CTNND2: variants seen among roughly 807,000 people sequenced by gnomAD.
CTNND2 encodes the protein catenin delta-2.
Under a neutral mutation model 144.4 loss-of-function variants are expected in CTNND2, and 22 were observed. The ratio of observed to expected loss-of-function variants is 0.15; its 90% confidence interval spans 0.11 to 0.22. The LOEUF (loss-of-function observed/expected upper bound fraction) is 0.22. Among genes scored for constraint, CTNND2 ranks in the 10% least tolerant of loss-of-function variants. The pLI, the probability that CTNND2 is intolerant of heterozygous loss-of-function variation, is 1.00. For synonymous variants in CTNND2, 751 were observed against 695.6 expected, an observed-to-expected ratio of 1.08 and a Z score of -1.25; for missense variants, 1,353 against 1,618.8, an observed-to-expected ratio of 0.84 and a Z score of 2.82.
intron 1 of CTNND2, among the ~76,000 whole-genome samples, chr5:11,870,323 A>T (rs1231353909): frequency 6.6e-6 from 1 of 152,200 alleles, no homozygotes. Flanking sequence ...TGCAAAGGAC[A>T]GCCCACAACA....
At chr5:11,510,956 A>T (rs1771583687) in intron 3 of CTNND2, among the ~76,000 whole-genome samples, 1 of 152,076 alleles carries the variant, frequency 6.6e-6, no homozygotes, top group African/African-American at 2.4e-5. Context: ...GCATTTGAAT[A>T]GAAATTATTT....
chr5:11,347,389 T>C (rs1032423634), intron 8 of CTNND2, among the ~76,000 whole-genome samples: 1 of 152,228 alleles, frequency 6.6e-6, no homozygotes, highest in Non-Finnish European at 1.5e-5. Context: ...CTAAATTGTT[T>C]TGAGAAGATT....
intron 15 of CTNND2, among the ~76,000 whole-genome samples, chr5:11,090,019 A>AATAG (rs966934904): frequency 1.3e-5 from 2 of 152,276 alleles, no homozygotes; most frequent in South Asian, 2.1e-4. Context: ...AAAAAAAATA[A>AATAG]ATAGATAGAT....
chr5:11,864,177 G>A (rs1399826753), intron 1 of CTNND2, among the ~76,000 whole-genome samples: 1 of 151,994 alleles, frequency 6.6e-6, no homozygotes, highest in African/African-American at 2.4e-5. Context: ...GAGGTCACTC[G>A]AGGGACGCCA....
At chr5:11,696,379 T>A (rs1044517245) in intron 2 of CTNND2, among the ~76,000 whole-genome samples, 1 of 152,234 alleles carries the variant, frequency 6.6e-6, no homozygotes, top group Non-Finnish European at 1.5e-5. Context: ...CAGCTTGGAA[T>A]CAGCCTTGGG....
intron 3 of CTNND2, among the ~76,000 whole-genome samples, chr5:11,539,272 T>A (rs2150066927): frequency 6.6e-6 from 1 of 152,198 alleles, no homozygotes; most frequent in African/African-American, 2.4e-5. Flanking sequence ...ACATCTGAAT[T>A]CCGGGTGACT....
At chr5:11,486,210 AATCCAGTAGATCATACTAGGTGATAAT>A (rs1472597286) in intron 3 of CTNND2, among the ~76,000 whole-genome samples, 1 of 152,152 alleles carries the variant, frequency 6.6e-6, no homozygotes, top group African/African-American at 2.4e-5. Context: ...TGGGTGATAA[AATCCAGTAGATCATACTAGGTGATAAT>A]ATCCAGTAGA....
chr5:11,250,520 T>TATATATATATATATATA (rs1491283471), intron 9 of CTNND2, among the ~76,000 whole-genome samples: 1 of 5,542 alleles, frequency 1.8e-4, no homozygotes, highest in African/African-American at 4.1e-4. Context: ...TATACATATA[T>TATATATATATATATATA]TTTTTTTTTT....
chr5:11,608,995 A>T (rs1780192109), intron 2 of CTNND2, among the ~76,000 whole-genome samples: 1 of 152,154 alleles, frequency 6.6e-6, no homozygotes, highest in Non-Finnish European at 1.5e-5. Context: ...AGATCCATGA[A>T]GCAATTCCTG....
chr5:11,122,861 C>T (rs1410472138), intron 12 of CTNND2, among the ~76,000 whole-genome samples: 8 of 152,100 alleles, frequency 5.3e-5, no homozygotes, highest in Non-Finnish European at 1.2e-4. Flanking sequence ...CCCAGCAAGG[C>T]AGGCCGGGGA....
chr5:11,233,007 T>C (rs1741211425), intron 10 of CTNND2, among the ~76,000 whole-genome samples: 1 of 152,158 alleles, frequency 6.6e-6, no homozygotes, highest in Admixed American at 6.5e-5. Flanking sequence ...ATCTCTCTTT[T>C]GTAGAAGGTA....
At position 10,988,178 on chromosome 5, in the gene CTNND2, G is replaced by A; in HGVS notation, c.3276C>T (p.Cys1092=). ...SLKERKTDYE[C]TGSNATYHGA... ...CGTGGTAGGTGGCGTTGCTGCCGGT[G>A]CACTCGTAGTCTGTTTTCCTTTCTT... Residue 1092 remains cysteine, a synonymous_variant, in exon 20 of 22, where the codon TGC becomes TGT. Transcript: ENST00000304623. This position sits in a 1 kb window ranked among gnomAD's most constrained non-coding sequence, Gnocchi z 5.9. 6.2e-7 allele frequency: 1 copy of A among 1,614,202 alleles called. No individual in the cohort carries two copies. The highest frequency in any genetic ancestry group is 8.5e-7 in the Non-Finnish European group (1 of 1,180,042).
At chr5:11,690,936 GAA>G (rs1157885923) in intron 2 of CTNND2, among the ~76,000 whole-genome samples, 1 of 152,088 alleles carries the variant, frequency 6.6e-6, no homozygotes, top group African/African-American at 2.4e-5. Context: ...CGTTGAAAAT[GAA>G]AAGTGAAATT....
intron 11 of CTNND2, among the ~76,000 whole-genome samples, chr5:11,181,599 A>G (rs1301192963): frequency 6.6e-6 from 1 of 152,098 alleles, no homozygotes; most frequent in Non-Finnish European, 1.5e-5. Context: ...CGTCTGGTAG[A>G]GCAGGATGGT....
At chr5:11,518,904 T>C (rs937612064) in intron 3 of CTNND2, among the ~76,000 whole-genome samples, 2 of 152,174 alleles carry the variant, frequency 1.3e-5, no homozygotes, top group African/African-American at 2.4e-5. Flanking sequence ...ATCTCTGTCA[T>C]TGAATGACAC....
At chr5:11,140,822 A>T (rs527336470) in intron 12 of CTNND2, among the ~76,000 whole-genome samples, 6 of 152,346 alleles carry the variant, frequency 3.9e-5, no homozygotes, top group South Asian at 4.1e-4. Context: ...TAGATTTATT[A>T]AAAAAACAAT....
intron 20 of CTNND2, among the ~76,000 whole-genome samples, chr5:10,984,977 G>A (rs1207045589): frequency 6.6e-6 from 1 of 152,140 alleles, no homozygotes; most frequent in Non-Finnish European, 1.5e-5. Context: ...GAAACGCTGA[G>A]GCAGGAGAAT....
At chr5:11,727,050 C>T (rs1452088452) in intron 2 of CTNND2, among the ~76,000 whole-genome samples, 1 of 152,186 alleles carries the variant, frequency 6.6e-6, no homozygotes, top group Non-Finnish European at 1.5e-5. Context: ...TCACCCATAA[C>T]TGGAACTCCC....
chr5:11,664,841 G>A (rs866087405), intron 2 of CTNND2, among the ~76,000 whole-genome samples: 28 of 152,110 alleles, frequency 1.8e-4, no homozygotes, highest in Middle Eastern at 3.2e-3. Context: ...GTCTTGTTCA[G>A]GGAATGAAGT....
Sources: gnomAD v4.1 joint callset for allele counts (sites outside exome capture counted in the v4.1 genomes callset) on GRCh38, gnomAD v4.1.1 for gene constraint, Gnocchi (gnomAD v3.1) non-coding constraint, MANE v1.5 for transcripts, NCBI Gene and HGNC (gene_info 2026-07-23, HGNC 2026-07-21) for gene names.